Variants in ATE1 observed in about 807,000 individuals in gnomAD.
ATE1 encodes arginyltransferase 1.
ATE1 carries 36 observed loss-of-function variants against 70.5 expected under a neutral mutation model. The ratio of observed to expected loss-of-function variants is 0.51; its 90% CI spans 0.39 to 0.67. The LOEUF (loss-of-function observed/expected upper bound fraction) is 0.67, where lower values mean the gene tolerates loss of function less well. Among genes scored for constraint, ATE1 ranks in the 30% least tolerant of loss-of-function variants. The pLI is 0.00. For synonymous variants in ATE1, 232 were observed against 219.3 expected, an observed-to-expected ratio of 1.06 and a Z score of -0.51; for missense variants, 593 against 629.5, an observed-to-expected ratio of 0.94 and a Z score of 0.62.
chr10:121,828,061 T>C (rs1320333392), intron 10 of ATE1, among the ~76,000 whole-genome samples: 1 of 152,238 alleles, frequency 6.6e-6, no homozygotes, highest in East Asian at 1.9e-4. Context: ...CATGTTAAGA[T>C]ACCTCGTAAG....
intron 10 of ATE1, among the ~76,000 whole-genome samples, chr10:121,794,610 CAAAAAAAAAAA>C (rs71022866): frequency 0.76 from 59,203 of 78,364 alleles, 20,686 homozygotes; most frequent in Middle Eastern, 0.91. Context: ...ACCCTGTCTC[CAAAAAAAAAAA>C]AAAAAAAAAA....
intron 10 of ATE1, among the ~76,000 whole-genome samples, chr10:121,830,111 A>G (rs1357452454): frequency 3.3e-5 from 5 of 152,170 alleles, no homozygotes; most frequent in Admixed American, 6.5e-5. Flanking sequence ...TAATAAGCAG[A>G]TGTGCTATTC....
At chr10:121,913,431 A>G (rs1235531147) in intron 4 of ATE1, among the ~76,000 whole-genome samples, 1 of 152,226 alleles carries the variant, frequency 6.6e-6, no homozygotes, top group East Asian at 1.9e-4. Flanking sequence ...GCTGCATGTA[A>G]GCACTTGCTT....
chr10:121,891,906 C>A (rs906734781), intron 7 of ATE1, among the ~76,000 whole-genome samples: 3 of 152,180 alleles, frequency 2.0e-5, no homozygotes, highest in Admixed American at 6.5e-5. Context: ...CAGTGTGATA[C>A]TGTACAGAGT....
chr10:121,824,910 A>G lies in ATE1; in HGVS notation c.1257+11808T>C, dbSNP rs989852755. Among the ~76,000 whole-genome samples, 5 of 152,232 alleles carry G rather than the reference A, an allele frequency of 3.3e-5. No homozygotes were observed. The Middle Eastern group carries it at 0.01, about 311-fold the overall frequency. On this transcript the variant is annotated intron_variant, in intron 10 of 11. Coordinates refer to ENST00000224652, the MANE Select transcript of ATE1 (RefSeq NM_001001976.3). Reference sequence around the variant, plus strand: ...AGAGAGAACTAAGCTTTGCATGCAAATAATAAATATTTGAAAAGCATGGGA... The same window carrying G: ...AGAGAGAACTAAGCTTTGCATGCAAGTAATAAATATTTGAAAAGCATGGGA...
intron 6 of ATE1, 62 bp from the exon 7 acceptor site, chr10:121,900,056 T>C (rs1590670470): frequency 4.4e-6 from 7 of 1,575,134 alleles, no homozygotes; most frequent in Non-Finnish European, 5.2e-6. Flanking sequence ...CTGTGGAATA[T>C]GCATTAAGAG....
In ATE1 at chr10:121,922,386, C is replaced by T. The variant is rs531578114; in HGVS notation, c.196G>A (p.Val66Ile). 30 of 1,600,450 alleles carry T rather than the reference C, an allele frequency of 1.9e-5. No individual in the cohort carries two copies. The highest frequency in any genetic ancestry group is 2.5e-5 in the Non-Finnish European group (29 of 1,169,524). ...TGAGGACAACATGTTTGATTCATGA[C>T]AGGTTTGTACACATATTTTCCACTT... ...RRSGKYVYKPVMNQTCCPQYT... is the reference protein window; with the variant it reads ...RRSGKYVYKPIMNQTCCPQYT... The change falls in exon 3 of 12, where the codon GTC (valine) becomes ATC (isoleucine). Residue 66 changes from valine to isoleucine, a missense_variant. Physicochemically the swap from Val to Ile is conservative, Grantham distance 29. Around this residue, in one of 3 missense-constraint regions of ATE1, gnomAD observed 467 missense variants for 469.6 expected, o/e 0.99. Coordinates refer to ENST00000224652, the MANE Select transcript of ATE1 (RefSeq NM_001001976.3).
At chr10:121,902,677 C>A in intron 5 of ATE1, 57 bp from the exon 6 acceptor site, 1 of 1,488,128 alleles carries the variant, frequency 6.7e-7, no homozygotes, top group Non-Finnish European at 9.1e-7. Flanking sequence ...AAAGTTTTTT[C>A]ACATGTCTCA....
chr10:121,848,821 G>T (rs1318634147), intron 8 of ATE1, among the ~76,000 whole-genome samples: 1 of 150,772 alleles, frequency 6.6e-6, no homozygotes, highest in Non-Finnish European at 1.5e-5. Context: ...TGAGGTAGAA[G>T]AACTGCTTAA....
At chr10:121,923,707 A>T (rs1486349691) in intron 2 of ATE1, among the ~76,000 whole-genome samples, 1 of 152,208 alleles carries the variant, frequency 6.6e-6, no homozygotes, top group East Asian at 1.9e-4. Context: ...CATAAAAATA[A>T]CTACTCAAAA....
rs371997144 is a variant in ATE1 at position 121,769,390 on chromosome 10, A to G, written c.1378+20779T>C. On this transcript the variant is annotated intron_variant, in intron 11 of 11. Coordinates refer to ENST00000224652, the MANE Select transcript of ATE1 (RefSeq NM_001001976.3). ...AAACTTCCCATTTTACACAAAACTT[A>G]AACCCAAATGGATGGATCATAGATT... Among the ~76,000 whole-genome samples, 101 of 152,382 alleles carry G rather than the reference A, an allele frequency of 6.6e-4. 1 individual carries two copies. Among genetic ancestry groups the G allele is most frequent in the African/African-American group, 2.3e-3 (96 of 41,592 alleles).
At chr10:121,860,225 T>C (rs950150374) in intron 8 of ATE1, among the ~76,000 whole-genome samples, 1 of 152,156 alleles carries the variant, frequency 6.6e-6, no homozygotes, top group Non-Finnish European at 1.5e-5. Flanking sequence ...AAAGGAAGGG[T>C]CAGGGTGACT....
chr10:121,826,871 T>C (rs1948040875), intron 10 of ATE1, among the ~76,000 whole-genome samples: 1 of 152,230 alleles, frequency 6.6e-6, no homozygotes, highest in African/African-American at 2.4e-5. Context: ...ACATGTGGTA[T>C]CTGGTTTTCT....
chr10:121,754,687 A>C (rs72836300), intron 11 of ATE1, among the ~76,000 whole-genome samples: 1 of 152,224 alleles, frequency 6.6e-6, no homozygotes, highest in African/African-American at 2.4e-5. Context: ...ACCAGTAGAT[A>C]TAAGTCTGAC....
At chr10:121,829,220 C>T (rs1233825178) in intron 10 of ATE1, among the ~76,000 whole-genome samples, 1 of 152,012 alleles carries the variant, frequency 6.6e-6, no homozygotes, top group Non-Finnish European at 1.5e-5. Flanking sequence ...GTCAAGAGAT[C>T]GAGACCATCC....
At chr10:121,802,207 G>T (rs1403377541) in intron 10 of ATE1, among the ~76,000 whole-genome samples, 2 of 152,036 alleles carry the variant, frequency 1.3e-5, no homozygotes, top group African/African-American at 4.8e-5. Context: ...CATGGCACAA[G>T]ATTTGCTTTC....
chr10:121,777,246 G>C (rs1055526529), intron 11 of ATE1, among the ~76,000 whole-genome samples: 1 of 152,152 alleles, frequency 6.6e-6, no homozygotes, highest in Non-Finnish European at 1.5e-5. Flanking sequence ...TCATGCTCCA[G>C]TTACCTGGTA....
intron 8 of ATE1, among the ~76,000 whole-genome samples, chr10:121,861,386 T>G (rs910646659): frequency 2.0e-5 from 3 of 152,062 alleles, no homozygotes; most frequent in Non-Finnish European, 4.4e-5. Flanking sequence ...AGACTTCCAG[T>G]TGATATCATG....
At chr10:121,769,360 T>C (rs957193227) in intron 11 of ATE1, among the ~76,000 whole-genome samples, 3 of 152,172 alleles carry the variant, frequency 2.0e-5, no homozygotes, top group Admixed American at 1.3e-4. Flanking sequence ...AGTAAACTTA[T>C]AGCTAAACTT....
Sources: allele counts gnomAD v4.1 joint callset (sites outside exome capture counted in the v4.1 genomes callset), GRCh38; gene constraint gnomAD v4.1.1; regional missense constraint gnomAD v4.1.1; transcripts MANE v1.5; gene names NCBI Gene and HGNC (gene_info 2026-07-23, HGNC 2026-07-21).